KLHL1: variants seen among roughly 807,000 people sequenced by gnomAD.
The protein encoded by KLHL1 is kelch-like protein 1.
A neutral mutation model predicts 77.7 loss-of-function variants in KLHL1; 47 were observed. The observed-to-expected ratio is 0.60, with a 90% CI of 0.48 to 0.77. The LOEUF is 0.77. KLHL1 is among the 30% of genes least tolerant of loss of function. The pLI, the probability that KLHL1 is intolerant of heterozygous loss-of-function variation, is 0.00. For missense variants in KLHL1, 925 were observed against 910.8 expected, an observed-to-expected ratio of 1.02 and a Z score of -0.20; for synonymous variants, 360 against 325.2, an observed-to-expected ratio of 1.11 and a Z score of -1.15.
At chr13:70,061,114 T>C (rs2501214) in intron 1 of KLHL1, among the ~76,000 whole-genome samples, 60,931 of 151,836 alleles carry the variant, frequency 0.4, 12,444 homozygotes, top group South Asian at 0.49. Context: ...AGGATGGTTA[T>C]CTCCATCCCC....
rs1269275351 is a variant in KLHL1, at chr13:69,719,220, G to A, written c.2015+149C>T. On this transcript the variant is annotated intron_variant, in intron 9 of 10. Coordinates refer to ENST00000377844, the MANE Select transcript of KLHL1 (RefSeq NM_020866.3). Reference sequence around the variant, plus strand: ...TGTGTGTGTGTGTGTGAGAGAGAGAGAGAGAGAGAGAGAGAAAGGAGTTAA... The same window carrying A: ...TGTGTGTGTGTGTGTGAGAGAGAGAAAGAGAGAGAGAGAGAAAGGAGTTAA... The A allele has an allele frequency of 5.0e-6, 3 of 603,638 alleles. No homozygotes were observed. In the South Asian group the frequency reaches 6.1e-5, roughly 12 times the overall value. 37.4% of individuals were successfully genotyped at this position (603,638 alleles called of 1,614,324 possible). A position where few individuals can be genotyped will look rare whatever the true frequency, so the allele number is the denominator to read the frequency against.
At chr13:69,742,195 C>T (rs1026940073) in intron 7 of KLHL1, among the ~76,000 whole-genome samples, 1 of 152,116 alleles carries the variant, frequency 6.6e-6, no homozygotes, top group Non-Finnish European at 1.5e-5. Flanking sequence ...TAGAAAAGAA[C>T]TATAATTTAT....
chr13:70,061,089 G>C (rs1008393390), intron 1 of KLHL1, among the ~76,000 whole-genome samples: 10 of 152,024 alleles, frequency 6.6e-5, no homozygotes, highest in African/African-American at 2.2e-4. Flanking sequence ...GGGGTCACTG[G>C]GGGAGGGAGA....
chr13:70,027,474 G>C (rs1269180817), intron 1 of KLHL1, among the ~76,000 whole-genome samples: 1 of 151,840 alleles, frequency 6.6e-6, no homozygotes, highest in African/African-American at 2.4e-5. Context: ...GGCAAGATAT[G>C]AATACAAATA....
At chr13:70,104,063 A>G (rs1887989358) in intron 1 of KLHL1, among the ~76,000 whole-genome samples, 2 of 152,178 alleles carry the variant, frequency 1.3e-5, no homozygotes, top group African/African-American at 4.8e-5. Context: ...TATAAAATGC[A>G]AGAATATAAA....
intron 1 of KLHL1, among the ~76,000 whole-genome samples, chr13:70,067,698 T>C (rs989738641): frequency 1.3e-5 from 2 of 152,174 alleles, no homozygotes; most frequent in Non-Finnish European, 2.9e-5. Flanking sequence ...TCCATATCTC[T>C]TTGAAAGAAT....
chr13:69,709,136 A>G (rs1359352853), intron 9 of KLHL1, among the ~76,000 whole-genome samples: 2 of 152,012 alleles, frequency 1.3e-5, no homozygotes, highest in Non-Finnish European at 2.9e-5. Flanking sequence ...ATCACCTTGA[A>G]ACACAGGCTG....
At chr13:69,867,701 A>T (rs2138166528) in intron 5 of KLHL1, among the ~76,000 whole-genome samples, 1 of 152,106 alleles carries the variant, frequency 6.6e-6, no homozygotes, top group African/African-American at 2.4e-5. Context: ...AAGTATATTA[A>T]AATATTTTAA....
intron 5 of KLHL1, among the ~76,000 whole-genome samples, chr13:69,842,003 T>C (rs964284687): frequency 1.3e-5 from 2 of 151,918 alleles, no homozygotes; most frequent in Admixed American, 6.6e-5. Context: ...AGAATGAAAC[T>C]AGACTCCTAT....
chr13:69,949,950 C>A (rs1883654986), intron 3 of KLHL1, among the ~76,000 whole-genome samples: 2 of 151,586 alleles, frequency 1.3e-5, no homozygotes, highest in South Asian at 4.1e-4. Context: ...AGAGAAAATC[C>A]TAGTTGTCTT....
intron 6 of KLHL1, among the ~76,000 whole-genome samples, chr13:69,805,445 A>G (rs1174429187): frequency 6.6e-6 from 1 of 152,018 alleles, no homozygotes; most frequent in African/African-American, 2.4e-5. Flanking sequence ...TATTGTATGT[A>G]TTACATGTAA....
At chr13:69,937,134 C>A (rs1435552985) in intron 4 of KLHL1, among the ~76,000 whole-genome samples, 2 of 152,136 alleles carry the variant, frequency 1.3e-5, no homozygotes, top group East Asian at 1.9e-4. Flanking sequence ...CAATGATGAC[C>A]AGTGGGAATT....
At chr13:70,099,888 T>C (rs967725486) in intron 1 of KLHL1, among the ~76,000 whole-genome samples, 1 of 152,046 alleles carries the variant, frequency 6.6e-6, no homozygotes, top group Non-Finnish European at 1.5e-5. Flanking sequence ...ATTTATTCAT[T>C]CTTAATCTAT....
intron 7 of KLHL1, among the ~76,000 whole-genome samples, chr13:69,772,483 C>G (rs1306683386): frequency 1.3e-5 from 2 of 152,008 alleles, no homozygotes; most frequent in African/African-American, 4.8e-5. Flanking sequence ...CACCTCAAAT[C>G]ACACCTCATT....
chr13:69,719,630 C>CAA, intron 8 of KLHL1, 49 bp from the exon 9 acceptor site: 1 of 1,439,298 alleles, frequency 6.9e-7, no homozygotes, highest in African/African-American at 1.4e-5. Context: ...GTCTGGATGA[C>CAA]AAAATATAGA....
chr13:69,903,931 C>T (rs1336821009), intron 4 of KLHL1, among the ~76,000 whole-genome samples: 1 of 151,638 alleles, frequency 6.6e-6, no homozygotes, highest in East Asian at 1.9e-4. Flanking sequence ...TGAGCCACCG[C>T]GCCCGGCCCT....
intron 3 of KLHL1, among the ~76,000 whole-genome samples, chr13:69,958,508 C>T (rs1329556199): frequency 6.6e-6 from 1 of 151,700 alleles, no homozygotes; most frequent in Non-Finnish European, 1.5e-5. Flanking sequence ...CCTTCTTTAT[C>T]CATGTACTTT....
At chr13:69,797,956 G>A (rs1877198818) in intron 6 of KLHL1, among the ~76,000 whole-genome samples, 1 of 151,912 alleles carries the variant, frequency 6.6e-6, no homozygotes, top group African/African-American at 2.4e-5. Context: ...TTACATATAA[G>A]TTTGAGAAAT....
chr13:69,925,929 T>C (rs983674479), intron 4 of KLHL1, among the ~76,000 whole-genome samples: 4 of 152,190 alleles, frequency 2.6e-5, no homozygotes, highest in African/African-American at 7.2e-5. Context: ...GTTAATAAGT[T>C]CACCAGCTAC....
Sources: gnomAD v4.1 joint callset for allele counts (sites outside exome capture counted in the v4.1 genomes callset) on GRCh38, gnomAD v4.1.1 for gene constraint, MANE v1.5 for transcripts, NCBI Gene and HGNC (gene_info 2026-07-23, HGNC 2026-07-21) for gene names.